INTS8: variants seen among roughly 807,000 people sequenced by gnomAD.
INTS8 encodes integrator complex subunit 8.
INTS8 carries 47 observed loss-of-function variants against 138.9 expected under a neutral mutation model. The ratio of observed to expected loss-of-function variants is 0.34; its 90% CI spans 0.27 to 0.43. INTS8 has a LOEUF of 0.43. Ranked by LOEUF, INTS8 falls within the 20% of genes least tolerant of loss-of-function variation. INTS8 has a pLI of 1.00. For synonymous variants in INTS8, 392 were observed against 400.9 expected, an observed-to-expected ratio of 0.98 and a Z score of 0.27; for missense variants, 996 against 1,173.0, an observed-to-expected ratio of 0.85 and a Z score of 2.20.
intron 5 of INTS8, among the ~76,000 whole-genome samples, chr8:94,829,594 G>C (rs1814637835): frequency 1.3e-5 from 2 of 152,130 alleles, no homozygotes; most frequent in Non-Finnish European, 2.9e-5. Flanking sequence ...CCTGGGGGTT[G>C]GGGACCCCTG....
intron 2 of INTS8, among the ~76,000 whole-genome samples, chr8:94,826,143 G>C (rs530471257): frequency 6.6e-6 from 1 of 152,304 alleles, no homozygotes; most frequent in Non-Finnish European, 1.5e-5. Flanking sequence ...TAAATTGCTG[G>C]ATCGTGCAGT....
At chr8:94,867,415 A>T in intron 20 of INTS8, 78 bp downstream of exon 20, 1 of 1,032,182 alleles carries the variant, frequency 9.7e-7, no homozygotes, top group Non-Finnish European at 1.5e-6. Flanking sequence ...AGATACCCTT[A>T]GATAATTTTA....
At position 94,881,189 on chromosome 8, in the gene INTS8, A is replaced by G; in HGVS notation, c.*955A>G. The G allele has an allele frequency of 2.6e-6, 1 of 379,904 alleles. No individual in the cohort carries two copies. 23.5% of individuals were successfully genotyped at this position (379,904 alleles called of 1,614,324 possible). A position where few individuals can be genotyped will look rare whatever the true frequency, so the allele number is the denominator to read the frequency against. ...ATTTAATTTTCAAGAACCAAATTGC[A>G]CTAGTCAAGAGTGTAGGAATTTTGA... On this transcript the variant is annotated 3_prime_UTR_variant, in exon 27 of 27. Transcript: ENST00000523731.
At chr8:94,850,303 A>T (rs1433066905) in intron 12 of INTS8, among the ~76,000 whole-genome samples, 2 of 152,172 alleles carry the variant, frequency 1.3e-5, no homozygotes, top group African/African-American at 4.8e-5. Context: ...ATTCAGTCCT[A>T]GATACATAAA....
At chr8:94,848,782 TGTGTGTG>T (rs1337663329) in intron 10 of INTS8, among the ~76,000 whole-genome samples, 1 of 152,194 alleles carries the variant, frequency 6.6e-6, no homozygotes, top group African/African-American at 2.4e-5. Flanking sequence ...TTCTATTTTG[TGTGTGTG>T]TCAACGTAAA....
At chr8:94,846,248 C>T (rs1466667089) in intron 10 of INTS8, among the ~76,000 whole-genome samples, 3 of 151,902 alleles carry the variant, frequency 2.0e-5, no homozygotes, top group Admixed American at 6.6e-5. Flanking sequence ...TTTGTTTATT[C>T]CTTTTCTAAC....
chr8:94,827,243 G>A lies in INTS8; in HGVS notation c.306-20G>A, dbSNP rs1563638989. The A allele has an allele frequency of 6.2e-7, 1 of 1,607,754 alleles. No individual in the cohort carries two copies. Among genetic ancestry groups the A allele is most frequent in the Non-Finnish European group, 8.5e-7 (1 of 1,174,828 alleles). Reference sequence around the variant, plus strand: ...TCTTTCACAATTAATGTGCAAACATGTACGTTTTGCTTCTTCAAGTTTGTC... The same window carrying A: ...TCTTTCACAATTAATGTGCAAACATATACGTTTTGCTTCTTCAAGTTTGTC... On this transcript the variant is annotated intron_variant, in intron 2 of 26. Transcript: ENST00000523731.
chr8:94,868,636 A>C lies in INTS8; in HGVS notation c.2414+1299A>C, dbSNP rs1586523013. 6 of 152,300 alleles carry C rather than the reference A, an allele frequency of 3.9e-5. 1 individual carries two copies. The highest frequency in any genetic ancestry group is 3.9e-4 in the Admixed American group (6 of 15,278). The allele number at this position is 152,300 out of a possible 1,614,324, so 9.4% of individuals were successfully genotyped here. ...GTTGTTAGATACCAATTCAAGAATC[A>C]GGTAGAGACAGTTTTTCTTTTCTTT... On this transcript the variant is annotated intron_variant, in intron 20 of 26. Transcript: ENST00000523731.
intron 8 of INTS8, among the ~76,000 whole-genome samples, 181 bp from the exon 9 acceptor site, chr8:94,841,310 G>A (rs766826159): frequency 5.7e-4 from 87 of 152,220 alleles, no homozygotes; most frequent in East Asian, 1.9e-4. Context: ...TAAAAAAGGG[G>A]TAGCAGGGCT....
intron 13 of INTS8, 84 bp from the exon 14 acceptor site, chr8:94,853,721 C>A: frequency 1.4e-6 from 1 of 717,950 alleles, no homozygotes; most frequent in Non-Finnish European, 2.4e-6. Flanking sequence ...GTTTTAAATG[C>A]GATTGAAGAT....
intron 14 of INTS8, among the ~76,000 whole-genome samples, chr8:94,854,832 A>G (rs1815685584): frequency 6.6e-6 from 1 of 152,118 alleles, no homozygotes; most frequent in Admixed American, 6.5e-5. Flanking sequence ...CCTGGGCTCA[A>G]GCAATTCTCC....
intron 20 of INTS8, chr8:94,868,648 T>TTTTTCTTTTCTTTTCTTTTCTC (rs1816270419): frequency 3.9e-5 from 6 of 152,112 alleles, no homozygotes; most frequent in Admixed American, 3.9e-4. Context: ...GTAGAGACAG[T>TTTTTCTTTTCTTTTCTTTTCTC]TTTTCTTTTC....
intron 22 of INTS8, 34 bp downstream of exon 22, chr8:94,873,511 C>A: frequency 7.3e-7 from 1 of 1,368,186 alleles, no homozygotes; most frequent in South Asian, 1.2e-5. Flanking sequence ...TGGTTTCTTG[C>A]CTACCTGTAT....
chr8:94,864,975 A>G (rs574283254), intron 16 of INTS8, among the ~76,000 whole-genome samples: 1 of 152,050 alleles, frequency 6.6e-6, no homozygotes, highest in South Asian at 2.1e-4. Context: ...TGCCAACTTC[A>G]GTTTCCTTAT....
At chr8:94,857,220 C>T (rs1368982059) in intron 15 of INTS8, among the ~76,000 whole-genome samples, 1 of 151,728 alleles carries the variant, frequency 6.6e-6, no homozygotes, top group Admixed American at 6.6e-5. Flanking sequence ...TTAAAGGAAC[C>T]CACCATCATG....
intron 20 of INTS8, among the ~76,000 whole-genome samples, chr8:94,869,890 T>C (rs370270932): frequency 5.3e-5 from 8 of 152,302 alleles, no homozygotes; most frequent in East Asian, 1.9e-4. Context: ...GGCAAAAGAA[T>C]TGTTTACCCT....
In INTS8 at chr8:94,829,010, A is replaced by G. The variant is rs1814613694; in HGVS notation, c.554A>G (p.Glu185Gly). 1.3e-6 allele frequency: 2 copies of G among 1,600,004 alleles called. No homozygotes were observed. The highest frequency in any genetic ancestry group is 4.5e-5 in the East Asian group (2 of 44,636). Residue 185 changes from glutamate to glycine, a missense_variant, in exon 5 of 27, where the codon GAA becomes GGA. Transcript: ENST00000523731. ...ATGCAACAGGAAAAAGAGCTAACAGAAAACATTTTGAAAGTGGTAAGTATT... is the reference window on the plus strand; with the variant it reads ...ATGCAACAGGAAAAAGAGCTAACAGGAAACATTTTGAAAGTGGTAAGTATT... ...NQMQQEKELT[E>G]NILKVLKEQA... is the part of the protein sequence containing the mutation.
chr8:94,842,374 T>C lies in INTS8; in HGVS notation c.1146T>C (p.Phe382=). The C allele has an allele frequency of 6.3e-7, 1 of 1,593,532 alleles. No individual in the cohort carries two copies. Among genetic ancestry groups the C allele is most frequent in the Non-Finnish European group, 8.6e-7 (1 of 1,167,886 alleles). Residue 382 remains phenylalanine, a synonymous_variant, in exon 10 of 27, where the codon TTT becomes TTC. Coordinates refer to ENST00000523731, the MANE Select transcript of INTS8 (RefSeq NM_017864.4). ...QGNEALDEIC[F]KVCACNTVRD... Reference sequence around the variant, plus strand: ...ATGAAGCTCTAGATGAAATCTGTTTTAAAGTTTGTGCCTGTAATACAGTCC... The same window carrying C: ...ATGAAGCTCTAGATGAAATCTGTTTCAAAGTTTGTGCCTGTAATACAGTCC...
chr8:94,844,026 C>CTTTTTTTTTTTTTT (rs539302253), intron 10 of INTS8, among the ~76,000 whole-genome samples: 1 of 139,278 alleles, frequency 7.2e-6, no homozygotes. Context: ...TAGAGTTCTG[C>CTTTTTTTTTTTTTT]TTTTTTTTTT....
Sources: gnomAD v4.1 joint callset for allele counts (sites outside exome capture counted in the v4.1 genomes callset) on GRCh38, gnomAD v4.1.1 for gene constraint, MANE v1.5 for transcripts, NCBI Gene and HGNC (gene_info 2026-07-23, HGNC 2026-07-21) for gene names.